UGT1A4: variants seen among roughly 807,000 people sequenced by gnomAD.
UGT1A4 encodes the protein UDP-glucuronosyltransferase 1A4.
In UGT1A4, 32 loss-of-function variants were observed where a neutral mutation model predicts 41.1. The ratio of observed to expected loss-of-function variants is 0.78; its 90% CI spans 0.59 to 1.05. The LOEUF (loss-of-function observed/expected upper bound fraction) is 1.05. Among genes scored for constraint, UGT1A4 ranks in the 50% least tolerant of loss-of-function variants. The pLI is 0.00. For missense variants in UGT1A4, 748 were observed against 677.4 expected, an observed-to-expected ratio of 1.10 and a Z score of -1.16; for synonymous variants, 283 against 265.1, an observed-to-expected ratio of 1.07 and a Z score of -0.66.
Position 233,730,035 on chromosome 2 carries a change from A to T in UGT1A4, c.867+10348A>T, listed in dbSNP as rs45599733. The T allele has an allele frequency of 1.0e-3, 1,658 of 1,613,028 alleles. 11 individuals are homozygous for T. In the African/African-American group the frequency reaches 0.02, roughly 19 times the overall value. ...TCATCCAATCAATGTTCCAGGCAAA[A>T]CACTTTTTAAAAAAATGTATTTATT... is the stretch of plus-strand genomic sequence containing the variant. On this transcript the variant is annotated intron_variant, in intron 1 of 4. Transcript: ENST00000373409.
At chr2:233,746,073 G>A (rs1049176727) in intron 1 of UGT1A4, among the ~76,000 whole-genome samples, 4 of 151,780 alleles carry the variant, frequency 2.6e-5, no homozygotes, top group Admixed American at 6.6e-5. Flanking sequence ...AAGAGAAGAG[G>A]AGTCACTTCT....
Position 233,747,869 on chromosome 2 carries a change from C to T in UGT1A4, c.868-19165C>T, listed in dbSNP as rs1693798150. The T allele has an allele frequency of 2.5e-6, 4 of 1,613,468 alleles. No individual in the cohort carries two copies. In the Admixed American group the frequency reaches 6.7e-5, roughly 27 times the overall value. Reference sequence around the variant, plus strand: ...TCAAGAACATGCTCTACCCTCTGGCCCTGTCCTACCTTTGCCATGCTCTTT... The same window carrying T: ...TCAAGAACATGCTCTACCCTCTGGCTCTGTCCTACCTTTGCCATGCTCTTT... On this transcript the variant is annotated intron_variant, in intron 1 of 4. Coordinates refer to ENST00000373409, the MANE Select transcript of UGT1A4 (RefSeq NM_007120.3).
chr2:233,747,456 A>G (rs1299694493), intron 1 of UGT1A4: 47 of 1,608,814 alleles, frequency 2.9e-5, no homozygotes, highest in Non-Finnish European at 3.7e-5. Context: ...AACCTATGCC[A>G]TTTCATGGAC....
At chr2:233,745,676 C>T (rs28900379) in intron 1 of UGT1A4, among the ~76,000 whole-genome samples, 3,652 of 149,480 alleles carry the variant, frequency 0.024, 62 homozygotes, top group Non-Finnish European at 0.032. Flanking sequence ...AATTTGGGAA[C>T]ATCAAAGCAA....
At chr2:233,720,555 T>C (rs1276086879) in intron 1 of UGT1A4, among the ~76,000 whole-genome samples, 1 of 152,144 alleles carries the variant, frequency 6.6e-6, no homozygotes, top group Non-Finnish European at 1.5e-5. Flanking sequence ...CAAGTTTCTA[T>C]AGTGGGATCT....
intron 3 of UGT1A4, 135 bp downstream of exon 3, chr2:233,768,071 G>C: frequency 6.3e-7 from 1 of 1,595,002 alleles, no homozygotes; most frequent in Admixed American, 1.8e-5. Context: ...TTTATCTAGT[G>C]GGGTATCTCA....
At chr2:233,729,570 G>T (rs1300116271) in intron 1 of UGT1A4, 1 of 1,613,988 alleles carries the variant, frequency 6.2e-7, no homozygotes, top group Non-Finnish European at 8.5e-7. Flanking sequence ...CCTTTGATGT[G>T]GTTTTAACAG....
At chr2:233,767,789 A>T (rs1699484858) in intron 2 of UGT1A4, 60 bp from the exon 3 acceptor site, 5 of 1,613,778 alleles carry the variant, frequency 3.1e-6, no homozygotes, top group Non-Finnish European at 4.2e-6. Context: ...AGTATAGCAG[A>T]TTTGTTTTCT....
intron 1 of UGT1A4, among the ~76,000 whole-genome samples, chr2:233,764,543 G>A (rs1413559282): frequency 2.6e-5 from 4 of 152,222 alleles, no homozygotes; most frequent in South Asian, 2.1e-4. Context: ...CTGAGTGGGC[G>A]TGTGGGAGGG....
chr2:233,760,713 A>G (rs1697537023), intron 1 of UGT1A4: 3 of 1,614,082 alleles, frequency 1.9e-6, no homozygotes, highest in African/African-American at 2.7e-5. Context: ...CCCTGGCAGA[A>G]AGCAGCTTTG....
chr2:233,751,453 T>C (rs1694732697), intron 1 of UGT1A4, among the ~76,000 whole-genome samples: 2 of 152,190 alleles, frequency 1.3e-5, no homozygotes, highest in African/African-American at 4.8e-5. Flanking sequence ...GGAAGATTGT[T>C]GGGAAGGCAC....
rs145239529 is a variant in UGT1A4, at chr2:233,769,464, CGT to C, written c.1307+1039_1307+1040del. ...GGGTGCACACGTGTGCATTCATATGCGTGTGTGTGTGTGTGCGTGTGTTTATG... is the reference window on the plus strand; with the variant it reads ...GGGTGCACACGTGTGCATTCATATGCGTGTGTGTGTGTGCGTGTGTTTATG... On this transcript the variant is annotated intron_variant, in intron 4 of 4. Transcript: ENST00000373409. The surrounding 1 kb of genome is among the most constrained non-coding windows in gnomAD (Gnocchi z 4.4). 2,957 of 1,414,482 alleles carry C rather than the reference CGT, an allele frequency of 2.1e-3. No individual in the cohort carries two copies. Among genetic ancestry groups the C allele is most frequent in the Admixed American group, 4.4e-3 (235 of 53,304 alleles). The allele number at this position is 1,414,482 out of a possible 1,614,324, so 87.6% of individuals were successfully genotyped here. A position where few individuals can be genotyped will look rare whatever the true frequency, so the allele number is the denominator to read the frequency against.
intron 1 of UGT1A4, among the ~76,000 whole-genome samples, chr2:233,744,427 T>C (rs1221651523): frequency 2.0e-5 from 3 of 151,848 alleles, no homozygotes; most frequent in East Asian, 1.9e-4. Flanking sequence ...GTGGATTATA[T>C]CTATCATACG....
intron 1 of UGT1A4, among the ~76,000 whole-genome samples, chr2:233,761,398 A>G (rs1697764462): frequency 6.6e-6 from 1 of 152,192 alleles, no homozygotes; most frequent in Non-Finnish European, 1.5e-5. Context: ...AGTGGATAGT[A>G]ATCAATTAGA....
intron 1 of UGT1A4, among the ~76,000 whole-genome samples, chr2:233,765,977 C>T (rs1699015249): frequency 6.6e-6 from 1 of 152,154 alleles, no homozygotes; most frequent in Non-Finnish European, 1.5e-5. Context: ...TGGATGTTTA[C>T]AGCTCCTGAA....
At position 233,769,478 on chromosome 2, in the gene UGT1A4, TGC is replaced by T; in HGVS notation, c.1307+1041_1307+1042del. The stretch of plus-strand genomic sequence containing the variant: ...GCATTCATATGCGTGTGTGTGTGTG[TGC>T]GTGTGTTTATGAGAGTGTCCATTGC... On this transcript the variant is annotated intron_variant, in intron 4 of 4. Transcript: ENST00000373409. The surrounding 1 kb of genome is among the most constrained non-coding windows in gnomAD (Gnocchi z 4.4). 2 of 1,611,018 alleles carry T rather than the reference TGC, an allele frequency of 1.2e-6. No individual in the cohort carries two copies. Among genetic ancestry groups the T allele is most frequent in the South Asian group, 1.1e-5 (1 of 90,926 alleles).
intron 1 of UGT1A4, chr2:233,742,922 C>G (rs1038154831): frequency 2.7e-5 from 5 of 188,274 alleles, no homozygotes; most frequent in African/African-American, 1.2e-4. Context: ...AAGTGCTGAA[C>G]TGAACATTCT....
intron 1 of UGT1A4, chr2:233,750,653 C>CT (rs915876685): frequency 6.6e-6 from 1 of 151,896 alleles, no homozygotes; most frequent in African/African-American, 2.4e-5. Flanking sequence ...AGCCTCAGGA[C>CT]TTGGTGCCCT....
intron 1 of UGT1A4, among the ~76,000 whole-genome samples, chr2:233,734,828 G>A (rs1303318660): frequency 6.6e-6 from 1 of 152,222 alleles, no homozygotes; most frequent in African/African-American, 2.4e-5. Flanking sequence ...GCGATTTTGA[G>A]TGAGTTTCTT....
Sources: allele counts gnomAD v4.1 joint callset (sites outside exome capture counted in the v4.1 genomes callset), GRCh38; gene constraint gnomAD v4.1.1; non-coding constraint Gnocchi (gnomAD v3.1); transcripts MANE v1.5; gene names NCBI Gene and HGNC (gene_info 2026-07-23, HGNC 2026-07-21).